Variants in POFUT1 observed in about 807,000 individuals in gnomAD.
POFUT1 encodes protein O-fucosyltransferase 1.
A neutral mutation model predicts 42.4 loss-of-function variants in POFUT1; 16 were observed. That is an observed-to-expected ratio of 0.38 (90% CI 0.26 to 0.57). The LOEUF (loss-of-function observed/expected upper bound fraction) is 0.57, where lower values mean the gene tolerates loss of function less well. POFUT1 is among the 20% of genes least tolerant of loss of function. The pLI, the probability that POFUT1 is intolerant of heterozygous loss-of-function variation, is 0.71. For missense variants in POFUT1, 470 were observed against 504.6 expected, an observed-to-expected ratio of 0.93 and a Z score of 0.66; for synonymous variants, 206 against 205.4, an observed-to-expected ratio of 1.00 and a Z score of -0.03.
intron 2 of POFUT1, among the ~76,000 whole-genome samples, chr20:32,213,677 A>T (rs912240918): frequency 6.6e-6 from 1 of 152,032 alleles, no homozygotes; most frequent in Non-Finnish European, 1.5e-5. Flanking sequence ...AGGCTGAGGC[A>T]GGAGAATCGC....
intron 4 of POFUT1, among the ~76,000 whole-genome samples, chr20:32,224,117 C>T (rs745891089): frequency 6.6e-6 from 1 of 152,288 alleles, no homozygotes; most frequent in Non-Finnish European, 1.5e-5. Flanking sequence ...CTAGGCCAGG[C>T]GCGGTGGCTC....
At chr20:32,208,637 A>T (rs911841739) in intron 1 of POFUT1, among the ~76,000 whole-genome samples, 1 of 136,096 alleles carries the variant, frequency 7.3e-6, no homozygotes, top group Non-Finnish European at 1.6e-5. Flanking sequence ...AACATAGTGA[A>T]AATCCAATCT....
chr20:32,210,302 C>A, intron 2 of POFUT1, 110 bp downstream of exon 2: 1 of 1,108,684 alleles, frequency 9.0e-7, no homozygotes, highest in Non-Finnish European at 1.4e-6. Context: ...CTGAGATTTC[C>A]CTACCTCCAG....
At chr20:32,217,027 G>A (rs777296249) in intron 4 of POFUT1, 4 of 1,613,824 alleles carry the variant, frequency 2.5e-6, no homozygotes, top group African/African-American at 1.3e-5. Context: ...TCACTCCTGT[G>A]TTACCTTACT....
intron 1 of POFUT1, 114 bp from the exon 2 acceptor site, chr20:32,209,957 T>C (rs2047318108): frequency 8.8e-7 from 1 of 1,137,142 alleles, no homozygotes; most frequent in African/African-American, 1.5e-5. Context: ...GCTCCCCTAG[T>C]TCTCCTTGGT....
rs578255216 is a variant in POFUT1 at position 32,234,517 on chromosome 20, G to A, written c.1023G>A (p.Leu341=). The A allele has an allele frequency of 1.7e-5, 27 of 1,613,684 alleles. No homozygotes were observed. The East Asian group carries it at 5.1e-4, about 31-fold the overall frequency. ...SLKPEVAQVD[L]YILGQADHFI... ...AGCCTGAGGTGGCCCAGGTCGACCT[G>A]TACATCCTCGGCCAAGCCGACCACT... Residue 341 remains leucine (L), a synonymous_variant, in exon 7 of 7, where the codon CTG becomes CTA. Transcript: ENST00000375749.
rs1439970683 is a variant in POFUT1 at position 32,237,173 on chromosome 20, A to G, written c.*2512A>G. 2.6e-5 allele frequency: 4 copies of G among 152,290 alleles called. No homozygotes were observed. The highest frequency in any genetic ancestry group is 2.6e-4 in the Admixed American group (4 of 15,284). The allele number at this position is 152,290 out of a possible 1,614,324, so 9.4% of individuals were successfully genotyped here. On this transcript the variant is annotated 3_prime_UTR_variant, in exon 7 of 7. Coordinates refer to ENST00000375749, the MANE Select transcript of POFUT1 (RefSeq NM_015352.2). ...TACAGCCCCCGTTGGATGGTTGCTC[A>G]GTACAACAGTCTTGCATTCAGCAGG...
rs1268523635 is a variant in POFUT1, at chr20:32,236,640, G to A, written c.*1979G>A. 2.0e-5 allele frequency: 3 copies of A among 152,182 alleles called. No homozygotes were observed. Among genetic ancestry groups the A allele is most frequent in the East Asian group, 1.9e-4 (1 of 5,202 alleles). 9.4% of individuals were successfully genotyped at this position (152,182 alleles called of 1,614,324 possible). On this transcript the variant is annotated 3_prime_UTR_variant, in exon 7 of 7. Transcript: ENST00000375749. ...TACCTATAAAATGGTGATAAAAACC[G>A]ACAGGTTGTTCAAAGGCCCAGATCA...
Position 32,207,990 on chromosome 20 carries a change from C to G in POFUT1, c.49C>G (p.Leu17Val). The change falls in exon 1 of 7, where the codon CTG becomes GTG. Residue 17 changes from leucine to valine, a missense_variant. By Grantham distance (32) the Leu-to-Val change is conservative. Transcript: ENST00000375749. Reference sequence around the variant, plus strand: ...GCCGCTGAGCGTGTCTTTCCTGCTGCTGCTTCTGCCGCTCCCGGGGATGCC... The same window carrying G: ...GCCGCTGAGCGTGTCTTTCCTGCTGGTGCTTCTGCCGCTCCCGGGGATGCC... ...ARPLSVSFLL[L>V]LLPLPGMPAG... 1.3e-6 allele frequency: 2 copies of G among 1,594,252 alleles called. No individual in the cohort carries two copies. Among genetic ancestry groups the G allele is most frequent in the Non-Finnish European group, 1.7e-6 (2 of 1,175,596 alleles).
intron 2 of POFUT1, among the ~76,000 whole-genome samples, chr20:32,214,595 T>C (rs1308256542): frequency 6.6e-6 from 1 of 152,258 alleles, no homozygotes; most frequent in African/African-American, 2.4e-5. Flanking sequence ...TGCCTCGTTA[T>C]AATTGTAATT....
chr20:32,216,892 G>T, intron 4 of POFUT1, 171 bp downstream of exon 4: 1 of 1,537,224 alleles, frequency 6.5e-7, no homozygotes, highest in Middle Eastern at 1.8e-4. Flanking sequence ...CCATGTCCAC[G>T]CCTGACACGG....
intron 4 of POFUT1, among the ~76,000 whole-genome samples, chr20:32,224,414 A>G (rs1209818632): frequency 1.3e-5 from 2 of 152,052 alleles, no homozygotes; most frequent in African/African-American, 2.4e-5. Context: ...AAAGAAAACT[A>G]GAGTCTAGCA....
At position 32,235,923 on chromosome 20, in the gene POFUT1, T is replaced by C. The variant is rs554951350; in HGVS notation, c.*1262T>C. 40 of 152,374 alleles carry C rather than the reference T, an allele frequency of 2.6e-4. No individual in the cohort carries two copies. Among genetic ancestry groups the C allele is most frequent in the African/African-American group, 9.1e-4 (38 of 41,574 alleles). 9.4% of individuals were successfully genotyped at this position (152,374 alleles called of 1,614,324 possible). On this transcript the variant is annotated 3_prime_UTR_variant, in exon 7 of 7. Transcript: ENST00000375749. ...CCCAGAGCTCCTTGCAGTGCCTTCT[T>C]CCTTGTTTACCTGTGGGAGGAAACA... is the stretch of plus-strand genomic sequence containing the variant.
In POFUT1 at chr20:32,210,023, G is replaced by A. The variant is rs777694790; in HGVS notation, c.125-48G>A. The A allele has an allele frequency of 1.2e-5, 19 of 1,612,584 alleles. No homozygotes were observed. The East Asian group carries it at 3.6e-4, about 30-fold the overall frequency. ...CCTTTCTGAGCCCTGCATGCTCTAT[G>A]CCCTCCATGCCCCAGGCCTCACCTC... is the stretch of plus-strand genomic sequence containing the variant. On this transcript the variant is annotated intron_variant, in intron 1 of 6. Coordinates refer to ENST00000375749, the MANE Select transcript of POFUT1 (RefSeq NM_015352.2).
At chr20:32,211,295 G>A (rs1468443957) in intron 2 of POFUT1, among the ~76,000 whole-genome samples, 1 of 142,208 alleles carries the variant, frequency 7.0e-6, no homozygotes. Flanking sequence ...TTTTTTTTGA[G>A]ATGGAGTCTT....
intron 2 of POFUT1, among the ~76,000 whole-genome samples, chr20:32,214,281 C>T (rs1017051194): frequency 2.0e-5 from 3 of 152,022 alleles, no homozygotes; most frequent in African/African-American, 7.3e-5. Flanking sequence ...TGCACCACCA[C>T]GCCCAGCTAA....
Position 32,215,385 on chromosome 20 carries a change from G to A in POFUT1, c.363G>A (p.Lys121=), listed in dbSNP as rs1486041653. 1.2e-6 allele frequency: 2 copies of A among 1,614,008 alleles called. No individual in the cohort carries two copies. Among genetic ancestry groups the A allele is most frequent in the Admixed American group, 3.3e-5 (2 of 60,002 alleles). ...KLAPTHWPPE[K]RVAYCFEVAA... ...CACCCACCCACTGGCCCCCTGAGAA[G>A]CGGGTGGCATACTGCTTTGAGGTGG... Residue 121 remains lysine (K), a synonymous_variant, in exon 3 of 7, where the codon AAG becomes AAA. Coordinates refer to ENST00000375749, the MANE Select transcript of POFUT1 (RefSeq NM_015352.2).
intron 4 of POFUT1, among the ~76,000 whole-genome samples, chr20:32,221,656 A>G (rs1385314507): frequency 6.6e-6 from 1 of 151,840 alleles, no homozygotes; most frequent in Non-Finnish European, 1.5e-5. Context: ...TCATGGCTGC[A>G]GTGAACCCAT....
At chr20:32,230,278 T>C (rs1289373205) in intron 5 of POFUT1, among the ~76,000 whole-genome samples, 1 of 151,742 alleles carries the variant, frequency 6.6e-6, no homozygotes, top group Non-Finnish European at 1.5e-5. Flanking sequence ...TCCCAGCTAC[T>C]TGGGAGGCTG....
Sources: gnomAD v4.1 joint callset for allele counts (sites outside exome capture counted in the v4.1 genomes callset) on GRCh38, gnomAD v4.1.1 for gene constraint, MANE v1.5 for transcripts, NCBI Gene and HGNC (gene_info 2026-07-23, HGNC 2026-07-21) for gene names.